Variants in DENND1B observed in about 807,000 individuals in gnomAD.
The protein encoded by DENND1B is DENN domain containing 1B.
A neutral mutation model predicts 90.1 loss-of-function variants in DENND1B; 59 were observed. The ratio of observed to expected loss-of-function variants is 0.65; its 90% CI spans 0.53 to 0.81. DENND1B has a LOEUF of 0.81. Ranked by LOEUF, DENND1B falls within the 40% of genes least tolerant of loss-of-function variation. The pLI is 0.00. For synonymous variants in DENND1B, 337 were observed against 324.6 expected (o/e 1.04, Z -0.41); for missense variants, 862 against 912.6 (o/e 0.94, Z 0.71).
At chr1:197,536,879 T>C (rs1226353088) in intron 20 of DENND1B, among the ~76,000 whole-genome samples, 4 of 151,762 alleles carry the variant, frequency 2.6e-5, no homozygotes, top group African/African-American at 7.3e-5. Flanking sequence ...CTACTAAAAA[T>C]ACAAAAACAA....
chr1:197,572,686 A>C (rs1673280898), intron 15 of DENND1B, among the ~76,000 whole-genome samples: 1 of 152,194 alleles, frequency 6.6e-6, no homozygotes, highest in South Asian at 2.1e-4. Context: ...TCATACAGGC[A>C]GGTACCCCGC....
At chr1:197,637,509 A>C (rs1679900601) in intron 10 of DENND1B, among the ~76,000 whole-genome samples, 1 of 152,154 alleles carries the variant, frequency 6.6e-6, no homozygotes, top group Admixed American at 6.5e-5. Context: ...GGAAGATAAA[A>C]ACACCTCTAG....
chr1:197,692,905 G>A (rs755118501), intron 3 of DENND1B, among the ~76,000 whole-genome samples: 11 of 151,626 alleles, frequency 7.3e-5, no homozygotes, highest in Non-Finnish European at 1.6e-4. Flanking sequence ...TCCTCTTCCT[G>A]AACTCCAGTC....
At chr1:197,690,599 C>A in intron 3 of DENND1B, 2 of 244,692 alleles carry the variant, frequency 8.2e-6, no homozygotes, top group South Asian at 1.3e-4. Context: ...TTGGGAAGGT[C>A]AGCAAGTCTG....
At chr1:197,626,464 T>C (rs1678737063) in intron 10 of DENND1B, among the ~76,000 whole-genome samples, 2 of 152,318 alleles carry the variant, frequency 1.3e-5, no homozygotes, top group South Asian at 4.1e-4. Context: ...AATAAAGATG[T>C]TCTTTGAAAC....
intron 10 of DENND1B, among the ~76,000 whole-genome samples, chr1:197,625,755 G>A (rs1166915594): frequency 1.3e-5 from 2 of 152,054 alleles, no homozygotes; most frequent in Non-Finnish European, 2.9e-5. Flanking sequence ...TCAGTGTGCT[G>A]TATTCAGGAA....
chr1:197,745,281 A>G (rs184921598), intron 2 of DENND1B, among the ~76,000 whole-genome samples: 1 of 152,326 alleles, frequency 6.6e-6, no homozygotes, highest in East Asian at 1.9e-4. Context: ...AGCCTATCTC[A>G]GCTTTTTAAA....
At chr1:197,684,143 T>A (rs1212749402) in intron 3 of DENND1B, among the ~76,000 whole-genome samples, 1 of 152,172 alleles carries the variant, frequency 6.6e-6, no homozygotes, top group Non-Finnish European at 1.5e-5. Flanking sequence ...ATCTTCCTAA[T>A]AAAGACAAGA....
At chr1:197,611,839 C>T (rs1572062119) in intron 12 of DENND1B, 92 bp downstream of exon 12, 1 of 1,092,344 alleles carries the variant, frequency 9.2e-7, no homozygotes, top group Non-Finnish European at 1.4e-6. Flanking sequence ...CTTCTTTGTC[C>T]TATACCACTG....
At chr1:197,766,075 G>C (rs1655659581) in intron 2 of DENND1B, among the ~76,000 whole-genome samples, 1 of 152,102 alleles carries the variant, frequency 6.6e-6, no homozygotes, top group Admixed American at 6.6e-5. Flanking sequence ...CTGGCTAGCA[G>C]TGCAAAAGAA....
intron 2 of DENND1B, among the ~76,000 whole-genome samples, chr1:197,745,505 C>T (rs1470396680): frequency 6.6e-6 from 1 of 151,734 alleles, no homozygotes; most frequent in Non-Finnish European, 1.5e-5. Context: ...TGTTAGAACA[C>T]ATACATTTAT....
intron 15 of DENND1B, among the ~76,000 whole-genome samples, chr1:197,553,871 A>T (rs1054969672): frequency 2.0e-5 from 3 of 152,070 alleles, no homozygotes; most frequent in Non-Finnish European, 2.9e-5. Context: ...GTGTTCTTAA[A>T]AAAGAGGTTG....
chr1:197,770,703 TA>T (rs1656386411), intron 2 of DENND1B, among the ~76,000 whole-genome samples: 1 of 141,898 alleles, frequency 7.0e-6, no homozygotes. Flanking sequence ...TATATATCTA[TA>T]AATATATAAA....
intron 3 of DENND1B, among the ~76,000 whole-genome samples, chr1:197,713,839 T>TTATATATAA (rs1171823863): frequency 1.5e-4 from 2 of 13,488 alleles, no homozygotes; most frequent in Non-Finnish European, 2.4e-4. Context: ...ATATAATATA[T>TTATATATAA]TATATTATAT....
intron 6 of DENND1B, among the ~76,000 whole-genome samples, chr1:197,655,539 T>G (rs1440723475): frequency 6.6e-6 from 1 of 151,908 alleles, no homozygotes; most frequent in Non-Finnish European, 1.5e-5. Context: ...TAACTTTTTT[T>G]TTTTTTTTTT....
chr1:197,539,836 C>T, intron 20 of DENND1B, 128 bp downstream of exon 20: 1 of 717,256 alleles, frequency 1.4e-6, no homozygotes, highest in Non-Finnish European at 2.3e-6. Context: ...CTAACTCCTC[C>T]CCTTGACCAA....
chr1:197,639,013 C>A (rs986327833), intron 10 of DENND1B, among the ~76,000 whole-genome samples: 3 of 151,958 alleles, frequency 2.0e-5, no homozygotes, highest in Admixed American at 2.0e-4. Flanking sequence ...TTCTTGATAT[C>A]TGTGCTTACA....
intron 13 of DENND1B, among the ~76,000 whole-genome samples, chr1:197,604,163 A>G (rs1050006260): frequency 2.1e-5 from 3 of 142,140 alleles, no homozygotes; most frequent in East Asian, 2.1e-4. Flanking sequence ...GTAATAATCA[A>G]TATCATTAAA....
chr1:197,774,136 AAGCATACTAT>A (rs1656969102), intron 1 of DENND1B, among the ~76,000 whole-genome samples: 1 of 152,212 alleles, frequency 6.6e-6, no homozygotes, highest in Admixed American at 6.5e-5. Context: ...TAATGTCAAG[AAGCATACTAT>A]TTTTACTCAC....
Sources: allele counts gnomAD v4.1 joint callset (sites outside exome capture counted in the v4.1 genomes callset), GRCh38; gene constraint gnomAD v4.1.1; transcripts MANE v1.5; gene names NCBI Gene and HGNC (gene_info 2026-07-23, HGNC 2026-07-21).